The following MAN2A1 variants were observed in gnomAD, a reference collection of about 807,000 sequenced individuals.
MAN2A1 encodes the protein mannosidase alpha class 2A member 1, also known as alpha-mannosidase 2.
In MAN2A1, 76 loss-of-function variants were observed where a neutral mutation model predicts 142.6. The ratio of observed to expected loss-of-function variants is 0.53; its 90% CI spans 0.44 to 0.65. MAN2A1 has a LOEUF of 0.65. Ranked by LOEUF, MAN2A1 falls within the 30% of genes least tolerant of loss-of-function variation. The pLI, the probability that MAN2A1 is intolerant of heterozygous loss-of-function variation, is 0.00. For missense variants in MAN2A1, 1,311 were observed against 1,365.1 expected, an observed-to-expected ratio of 0.96 and a Z score of 0.62; for synonymous variants, 559 against 473.2, an observed-to-expected ratio of 1.18 and a Z score of -2.35.
chr5:109,840,686 G>C (rs1187034054), intron 16 of MAN2A1: 2 of 433,346 alleles, frequency 4.6e-6, no homozygotes, highest in African/African-American at 4.2e-5. Context: ...TGCTTTATCA[G>C]TCATTGTTTC....
intron 6 of MAN2A1, among the ~76,000 whole-genome samples, chr5:109,768,735 A>C (rs949202534): frequency 6.6e-6 from 1 of 152,194 alleles, no homozygotes; most frequent in East Asian, 1.9e-4. Context: ...AGCATTAGCT[A>C]TACAGTTTCT....
At chr5:109,746,910 A>C (rs1752424214) in intron 4 of MAN2A1, among the ~76,000 whole-genome samples, 6 of 152,290 alleles carry the variant, frequency 3.9e-5, no homozygotes, top group African/African-American at 9.6e-5. Context: ...TAGTATCTTC[A>C]AGGCTCATTC....
At chr5:109,841,896 C>G (rs908990770) in intron 16 of MAN2A1, among the ~76,000 whole-genome samples, 1 of 152,200 alleles carries the variant, frequency 6.6e-6, no homozygotes. Context: ...GTAAACTTTA[C>G]TGGCTCATAA....
At chr5:109,857,404 G>GCCA (rs1163587211) in intron 20 of MAN2A1, among the ~76,000 whole-genome samples, 1 of 152,152 alleles carries the variant, frequency 6.6e-6, no homozygotes, top group Non-Finnish European at 1.5e-5. Context: ...ATAGAGTGGA[G>GCCA]GGCATCAAAT....
intron 13 of MAN2A1, among the ~76,000 whole-genome samples, chr5:109,818,866 T>A (rs1032170080): frequency 6.6e-6 from 1 of 152,186 alleles, no homozygotes; most frequent in Admixed American, 6.5e-5. Context: ...CCATAAGATA[T>A]CAAACATTTA....
intron 4 of MAN2A1, among the ~76,000 whole-genome samples, chr5:109,734,105 C>T (rs1287426470): frequency 2.6e-5 from 4 of 152,022 alleles, no homozygotes; most frequent in African/African-American, 9.7e-5. Flanking sequence ...GTGTATGTGT[C>T]CAGGAATTTA....
chr5:109,778,074 A>C (rs1753344275), intron 8 of MAN2A1, among the ~76,000 whole-genome samples: 1 of 134,046 alleles, frequency 7.5e-6, no homozygotes, highest in South Asian at 2.1e-4. Context: ...TCATCTTTTA[A>C]ATTTCTACCA....
chr5:109,720,608 T>C (rs899245725), intron 3 of MAN2A1, among the ~76,000 whole-genome samples: 8 of 152,242 alleles, frequency 5.3e-5, no homozygotes, highest in Non-Finnish European at 7.3e-5. Flanking sequence ...TTGGCTTCCC[T>C]GGGCCACATT....
chr5:109,820,760 G>A (rs1031957847), intron 15 of MAN2A1, among the ~76,000 whole-genome samples: 5 of 152,268 alleles, frequency 3.3e-5, no homozygotes, highest in African/African-American at 1.2e-4. Flanking sequence ...CCAAGATCAC[G>A]CCACTGCACT....
chr5:109,713,905 T>A, intron 2 of MAN2A1, 131 bp downstream of exon 2: 1 of 766,230 alleles, frequency 1.3e-6, no homozygotes, highest in Non-Finnish European at 2.0e-6. Context: ...TTTTGTAAAG[T>A]ATTTTGATTA....
At chr5:109,782,384 TAATTAATTTA>T (rs1402891671) in intron 9 of MAN2A1, among the ~76,000 whole-genome samples, 5 of 152,304 alleles carry the variant, frequency 3.3e-5, no homozygotes, top group African/African-American at 1.2e-4. Flanking sequence ...CATTTAATTT[TAATTAATTTA>T]AATGTCAATA....
At chr5:109,819,431 G>A (rs1441763664) in intron 13 of MAN2A1, among the ~76,000 whole-genome samples, 1 of 151,694 alleles carries the variant, frequency 6.6e-6, no homozygotes, top group African/African-American at 2.4e-5. Context: ...TAAATGCTAT[G>A]TAAATAGTTA....
At chr5:109,847,086 A>T (rs1195608692) in intron 18 of MAN2A1, among the ~76,000 whole-genome samples, 1 of 152,168 alleles carries the variant, frequency 6.6e-6, no homozygotes, top group South Asian at 2.1e-4. Flanking sequence ...ACAATTTTTT[A>T]AAAAACACTA....
In MAN2A1 at chr5:109,817,437, A is replaced by C; in HGVS notation, c.2108A>C (p.Glu703Ala). 1 of 1,613,768 alleles carries C rather than the reference A, an allele frequency of 6.2e-7. No individual in the cohort carries two copies. Residue 703 changes from glutamate (E) to alanine (A), a missense_variant and splice_region_variant, in exon 13 of 22, where the codon GAG becomes GCG. Glu to Ala is a moderately radical substitution (Grantham distance 107). Coordinates refer to ENST00000261483, the MANE Select transcript of MAN2A1 (RefSeq NM_002372.4). ...TANTISETAY[E>A]ISFRAHIPPL... is the part of the protein sequence containing the mutation. ...AATACTATTTCAGAAACAGCCTATG[A>C]GGTATGTTGTAGCCATAGAACTTAA...
chr5:109,802,059 T>A (rs957425296), intron 12 of MAN2A1, among the ~76,000 whole-genome samples: 6 of 152,212 alleles, frequency 3.9e-5, no homozygotes, highest in Non-Finnish European at 8.8e-5. Context: ...TGTATTTCTG[T>A]CTTGGGCAGC....
chr5:109,807,552 G>A lies in MAN2A1; in HGVS notation c.1944-9721G>A, dbSNP rs79599028. On this transcript the variant is annotated intron_variant, in intron 12 of 21. Coordinates refer to ENST00000261483, the MANE Select transcript of MAN2A1 (RefSeq NM_002372.4). ...TTCTAGAGATGACCTGCATTGCTTG[G>A]CCTGTGGCCCCTTCCTTGTATATCC... 3.7e-3 allele frequency among the ~76,000 whole-genome samples: 559 copies of A among 152,090 alleles called. 3 individuals carry two copies. The highest frequency in any genetic ancestry group is 6.8e-3 in the Non-Finnish European group (462 of 67,996).
intron 12 of MAN2A1, among the ~76,000 whole-genome samples, chr5:109,798,654 A>AT (rs1753928551): frequency 1.3e-5 from 2 of 151,802 alleles, no homozygotes; most frequent in South Asian, 4.2e-4. Context: ...AGACCTTTTC[A>AT]TTCTGTGTTT....
At chr5:109,728,539 TG>T (rs59045798) in intron 3 of MAN2A1, among the ~76,000 whole-genome samples, 7,385 of 152,180 alleles carry the variant, frequency 0.049, 585 homozygotes, top group African/African-American at 0.17. Flanking sequence ...TGCCTTGTGG[TG>T]CTATGTTTGC....
chr5:109,794,388 G>A (rs781193594), intron 12 of MAN2A1, among the ~76,000 whole-genome samples: 1 of 152,052 alleles, frequency 6.6e-6, no homozygotes, highest in Non-Finnish European at 1.5e-5. Context: ...ACCTTGACAC[G>A]TACTAGAAAA....
Sources: gnomAD v4.1 joint callset for allele counts (sites outside exome capture counted in the v4.1 genomes callset) on GRCh38, gnomAD v4.1.1 for gene constraint, MANE v1.5 for transcripts, NCBI Gene and HGNC (gene_info 2026-07-23, HGNC 2026-07-21) for gene names.